Variants in SCN9A observed in about 807,000 individuals in gnomAD.
SCN9A encodes sodium channel protein type 9 subunit alpha.
Under a neutral mutation model 187.0 loss-of-function variants are expected in SCN9A, and 131 were observed. That is an observed-to-expected ratio of 0.70 (90% confidence interval 0.61 to 0.81). The LOEUF is 0.81. SCN9A is among the 30% of genes least tolerant of loss of function. The probability of loss-of-function intolerance (pLI) is 0.00; values close to 1 mark genes in which losing one functional copy is unlikely to be tolerated. For missense variants in SCN9A, 2,252 were observed against 2,396.6 expected, an observed-to-expected ratio of 0.94 and a Z score of 1.26; for synonymous variants, 809 against 808.6, an observed-to-expected ratio of 1.00 and a Z score of -0.01.
At chr2:166,260,226 C>T (rs1280837082) in intron 17 of SCN9A, among the ~76,000 whole-genome samples, 2 of 151,810 alleles carry the variant, frequency 1.3e-5, no homozygotes, top group Non-Finnish European at 2.9e-5. Context: ...AAAATGACTA[C>T]ATTTCATAAT....
intron 1 of SCN9A, among the ~76,000 whole-genome samples, chr2:166,347,169 T>A (rs1333164287): frequency 6.6e-6 from 1 of 152,222 alleles, no homozygotes; most frequent in African/African-American, 2.4e-5. Flanking sequence ...CTAAAATCTT[T>A]AGGCACTGGT....
intron 2 of SCN9A, among the ~76,000 whole-genome samples, chr2:166,308,038 G>T (rs1298362086): frequency 6.6e-6 from 1 of 152,142 alleles, no homozygotes; most frequent in Non-Finnish European, 1.5e-5. Context: ...TTTGTATGCG[G>T]CAGCGTTCCC....
chr2:166,325,013 C>T (rs867610780), intron 1 of SCN9A, among the ~76,000 whole-genome samples: 1 of 152,020 alleles, frequency 6.6e-6, no homozygotes, highest in Non-Finnish European at 1.5e-5. Context: ...GTGACAAATG[C>T]GCCATACTAA....
chr2:166,278,177 T>C lies in SCN9A; in HGVS notation c.2480A>G (p.Asp827Gly), dbSNP rs2106471179. ...TCGCAGAACTGACAATCCTTCCACA[T>C]CTGCTAGAAAGAGCTCCACTAAACT... is the stretch of plus-strand genomic sequence containing the variant. ...TLSLVELFLADVEGLSVLRSF... is the reference protein window; with the variant it reads ...TLSLVELFLAGVEGLSVLRSF... Residue 827 changes from aspartate to glycine, a missense_variant, in exon 15 of 27, where the codon GAT becomes GGT. Physicochemically the swap from Asp to Gly is moderately conservative, Grantham distance 94. Transcript: ENST00000642356. 1 of 1,613,190 alleles carries C rather than the reference T, an allele frequency of 6.2e-7. No individual in the cohort carries two copies. Among genetic ancestry groups the C allele is most frequent in the Non-Finnish European group, 8.5e-7 (1 of 1,179,644 alleles).
chr2:166,292,558 A>C (rs1698123094), intron 9 of SCN9A, among the ~76,000 whole-genome samples: 1 of 152,132 alleles, frequency 6.6e-6, no homozygotes, highest in Admixed American at 6.6e-5. Context: ...ATTCTGAGAA[A>C]AGTGAATCAT....
At chr2:166,333,734 A>G (rs1227345620) in intron 1 of SCN9A, among the ~76,000 whole-genome samples, 1 of 152,054 alleles carries the variant, frequency 6.6e-6, no homozygotes, top group African/African-American at 2.4e-5. Flanking sequence ...ATGAATTTTT[A>G]TTCCCTTCTT....
chr2:166,203,179 A>G (rs575694481), intron 26 of SCN9A, among the ~76,000 whole-genome samples: 14 of 151,984 alleles, frequency 9.2e-5, no homozygotes, highest in Admixed American at 1.3e-4. Flanking sequence ...GTGGCACTCA[A>G]TTTTATGATT....
chr2:166,306,336 C>G (rs1056102873), intron 4 of SCN9A, among the ~76,000 whole-genome samples, 174 bp downstream of exon 4: 2 of 151,994 alleles, frequency 1.3e-5, no homozygotes, highest in African/African-American at 4.8e-5. Flanking sequence ...TCTAATTTTT[C>G]TAATCTAGCA....
chr2:166,349,421 A>G (rs1699980078), intron 1 of SCN9A, among the ~76,000 whole-genome samples: 1 of 152,190 alleles, frequency 6.6e-6, no homozygotes, highest in South Asian at 2.1e-4. Flanking sequence ...TTACTGTTGT[A>G]TTTGTTATCA....
chr2:166,349,694 C>T (rs13021236), intron 1 of SCN9A, among the ~76,000 whole-genome samples: 91,309 of 151,592 alleles, frequency 0.6, 27,704 homozygotes, highest in African/African-American at 0.68. Context: ...TACCTCAGAC[C>T]GGGCATGGTG....
chr2:166,370,766 CT>C (rs1700542641), intron 1 of SCN9A, among the ~76,000 whole-genome samples: 1 of 150,932 alleles, frequency 6.6e-6, no homozygotes, highest in Non-Finnish European at 1.5e-5. Flanking sequence ...TAAAATTTGC[CT>C]TACTGGCGTA....
intron 1 of SCN9A, among the ~76,000 whole-genome samples, chr2:166,340,555 TTTC>T (rs1216135515): frequency 1.9e-4 from 14 of 74,456 alleles, no homozygotes; most frequent in Non-Finnish European, 1.5e-4. Context: ...TCTTTCTTTC[TTTC>T]TTTCTTTCTT....
intron 1 of SCN9A, among the ~76,000 whole-genome samples, chr2:166,371,842 T>A (rs1679205922): frequency 6.6e-6 from 1 of 152,152 alleles, no homozygotes; most frequent in Admixed American, 6.5e-5. Flanking sequence ...AGCAAATTTT[T>A]AAAAATCCCT....
chr2:166,216,219 T>C (rs1037847341), intron 24 of SCN9A, among the ~76,000 whole-genome samples: 1 of 152,016 alleles, frequency 6.6e-6, no homozygotes, highest in African/African-American at 2.4e-5. Flanking sequence ...AAAGCAGATA[T>C]GGAAGGAATG....
rs1023396219 is a variant in SCN9A, at chr2:166,300,165, A to G, written c.901+2925T>C. 1.7e-4 allele frequency among the ~76,000 whole-genome samples: 26 copies of G among 151,002 alleles called. 2 individuals carry two copies. The highest frequency in any genetic ancestry group is 6.4e-4 in the African/African-American group (26 of 40,338). On this transcript the variant is annotated intron_variant, in intron 7 of 26. Transcript: ENST00000642356. Reference sequence around the variant, plus strand: ...ATAAAAATGACTGCATTTAAAATAAAATACAAACTCCTTCCCATGGGCTGA... The same window carrying G: ...ATAAAAATGACTGCATTTAAAATAAGATACAAACTCCTTCCCATGGGCTGA...
chr2:166,327,371 C>T (rs926840603), intron 1 of SCN9A, among the ~76,000 whole-genome samples: 3 of 152,044 alleles, frequency 2.0e-5, no homozygotes, highest in Non-Finnish European at 4.4e-5. Context: ...TGCCCAGGCT[C>T]GTCTTGAACT....
At chr2:166,236,917 A>T (rs1453110729) in intron 20 of SCN9A, among the ~76,000 whole-genome samples, 3 of 152,172 alleles carry the variant, frequency 2.0e-5, no homozygotes, top group South Asian at 4.1e-4. Context: ...CCCTTGGTTA[A>T]ATTTTAAAGC....
chr2:166,340,572 TTC>T (rs778289549), intron 1 of SCN9A, among the ~76,000 whole-genome samples: 21,289 of 109,622 alleles, frequency 0.19, 2,435 homozygotes, highest in African/African-American at 0.34. Context: ...CTTTCTTTCT[TTC>T]TTTCTTTCTT....
At chr2:166,332,156 A>G (rs2105265647) in intron 1 of SCN9A, among the ~76,000 whole-genome samples, 1 of 152,284 alleles carries the variant, frequency 6.6e-6, no homozygotes, top group African/African-American at 2.4e-5. Context: ...GGAAGATTTT[A>G]TTGAAATTCC....
Sources: gnomAD v4.1 joint callset for allele counts (sites outside exome capture counted in the v4.1 genomes callset) on GRCh38, gnomAD v4.1.1 for gene constraint, MANE v1.5 for transcripts, NCBI Gene and HGNC (gene_info 2026-07-23, HGNC 2026-07-21) for gene names.